Variants in SDK2 observed in about 807,000 individuals in gnomAD.
SDK2 encodes protein sidekick-2.
In SDK2, 105 loss-of-function variants were observed where a neutral mutation model predicts 253.9. The ratio of observed to expected loss-of-function variants is 0.41; its 90% CI spans 0.35 to 0.49. SDK2 has a LOEUF of 0.49. SDK2 is among the 20% of genes least tolerant of loss of function. SDK2 has a pLI of 0.06. For missense variants in SDK2, 2,608 were observed against 3,003.0 expected (o/e 0.87, Z 3.07); for synonymous variants, 1,249 against 1,234.9 (o/e 1.01, Z -0.24).
chr17:73,485,288 G>A (rs1417328034), intron 2 of SDK2, among the ~76,000 whole-genome samples: 1 of 152,162 alleles, frequency 6.6e-6, no homozygotes, highest in African/African-American at 2.4e-5. Flanking sequence ...GAGGGGGCGA[G>A]GGAAGAAAAG....
chr17:73,527,370 A>G (rs1444755484), intron 1 of SDK2, among the ~76,000 whole-genome samples: 1 of 152,198 alleles, frequency 6.6e-6, no homozygotes, highest in African/African-American at 2.4e-5. Flanking sequence ...CATAATGCAA[A>G]GGAGAAACCT....
chr17:73,384,016 A>G lies in SDK2; in HGVS notation c.4570-5T>C. The G allele has an allele frequency of 6.2e-7, 1 of 1,613,160 alleles. No individual in the cohort carries two copies. The highest frequency in any genetic ancestry group is 1.1e-5 in the South Asian group (1 of 90,816). ...GATCTTGTCCTCTGCTGGCGGCTGCAGGAAGGGAGTAGGGCATGGGGAGGG... is the reference window on the plus strand; with the variant it reads ...GATCTTGTCCTCTGCTGGCGGCTGCGGGAAGGGAGTAGGGCATGGGGAGGG... On this transcript the variant is annotated splice_region_variant and splice_polypyrimidine_tract_variant and intron_variant, in intron 32 of 44. Transcript: ENST00000392650.
At position 73,511,356 on chromosome 17, in the gene SDK2, G is replaced by A. The variant is rs1409692116; in HGVS notation, c.65-3759C>T. Among the ~76,000 whole-genome samples, 1 of 152,288 alleles carries A rather than the reference G, an allele frequency of 6.6e-6. No homozygotes were observed. Among genetic ancestry groups the A allele is most frequent in the African/African-American group, 2.4e-5 (1 of 41,572 alleles). ...TATGTGTGAGCACACACACACGCGCGAGCACGCACACGCTCTGCGCCCAGA... is the reference window on the plus strand; with the variant it reads ...TATGTGTGAGCACACACACACGCGCAAGCACGCACACGCTCTGCGCCCAGA... On this transcript the variant is annotated intron_variant, in intron 1 of 44. Coordinates refer to ENST00000392650, the MANE Select transcript of SDK2 (RefSeq NM_001144952.2). The surrounding 1 kb of genome is among the most constrained non-coding windows in gnomAD (Gnocchi z 4.9).
intron 2 of SDK2, among the ~76,000 whole-genome samples, chr17:73,487,825 TTGATCATAGTTAATGAAAAGGC>T (rs2063779128): frequency 6.6e-6 from 1 of 152,080 alleles, no homozygotes; most frequent in Admixed American, 6.5e-5. Flanking sequence ...TGAGATGACT[TTGATCATAGTTAATGAAAAGGC>T]TGATCATAGC....
intron 1 of SDK2, among the ~76,000 whole-genome samples, chr17:73,572,110 AG>A (rs1335588990): frequency 1.3e-5 from 2 of 152,192 alleles, no homozygotes; most frequent in African/African-American, 4.8e-5. Flanking sequence ...CATTCAGTGC[AG>A]GTGTTGTCTT....
chr17:73,338,352 C>T lies in SDK2; in HGVS notation c.*235G>A, dbSNP rs765764725. 14 of 667,142 alleles carry T rather than the reference C, an allele frequency of 2.1e-5. No homozygotes were observed. The highest frequency in any genetic ancestry group is 1.8e-4 in the South Asian group (12 of 66,462). 41.3% of individuals were successfully genotyped at this position (667,142 alleles called of 1,614,324 possible). On this transcript the variant is annotated 3_prime_UTR_variant, in exon 45 of 45. Transcript: ENST00000392650. This position sits in a 1 kb window ranked among gnomAD's most constrained non-coding sequence, Gnocchi z 5.0. ...CAGCTCCGTGTAATTCCCAAGGGAG[C>T]AGTGAACCCCACCATCTCAAAGCTG...
intron 1 of SDK2, among the ~76,000 whole-genome samples, chr17:73,633,627 A>G (rs9900683): frequency 0.39 from 59,693 of 152,130 alleles, 12,496 homozygotes; most frequent in African/African-American, 0.55. Flanking sequence ...AGTTAAGTGC[A>G]TTAATTCAAG....
Position 73,418,010 on chromosome 17 carries a change from G to GTTTTTTTTTTTTTTTTTTT in SDK2, c.2186+1155_2186+1156insAAAAAAAAAAAAAAAAAAA, listed in dbSNP as rs397689294. On this transcript the variant is annotated intron_variant, in intron 16 of 44. Transcript: ENST00000392650. ...AGATGCATCAAAGTCTCCTAGATGAGTTTTTTTTTTTTTTTTTTGTTTTTA... is the reference window on the plus strand; with the variant it reads ...AGATGCATCAAAGTCTCCTAGATGAGTTTTTTTTTTTTTTTTTTTTTTTTTTTTTTTTTTTTTGTTTTTA... Among the ~76,000 whole-genome samples the GTTTTTTTTTTTTTTTTTTT allele has an allele frequency of 4.7e-5, 6 of 128,256 alleles. 1 individual carries two copies. Among genetic ancestry groups the GTTTTTTTTTTTTTTTTTTT allele is most frequent in the Admixed American group, 9.0e-5 (1 of 11,050 alleles). 84.1% of individuals were successfully genotyped at this position (128,256 alleles called of 152,430 possible).
chr17:73,401,959 G>A lies in SDK2; in HGVS notation c.2667C>T (p.Arg889=), dbSNP rs1349272843. 1 of 1,608,966 alleles carries A rather than the reference G, an allele frequency of 6.2e-7. No homozygotes were observed. The highest frequency in any genetic ancestry group is 1.1e-5 in the South Asian group (1 of 90,388). The change falls in exon 19 of 45, where the codon CGC becomes CGT. Residue 889 remains arginine, a synonymous_variant. Transcript: ENST00000392650. The stretch of plus-strand genomic sequence containing the variant: ...GGGGGTGCCTACCATCCTCATGGGT[G>A]CGCACCAGCTGCGGGGTGCTGCGTG... ...DGPRSTPQLV[R]THEDVPGPVG...
At chr17:73,583,516 A>G (rs528636530) in intron 1 of SDK2, among the ~76,000 whole-genome samples, 1 of 152,314 alleles carries the variant, frequency 6.6e-6, no homozygotes, top group South Asian at 2.1e-4. Flanking sequence ...AGGGCTCTCA[A>G]CAACCGCCTC....
Position 73,480,082 on chromosome 17 carries a change from G to A in SDK2, c.225-7864C>T, listed in dbSNP as rs564489148. ...GCTCCTCTCCCTCTAGGACTTTAAC[G>A]TATCCACTCATCTGATCCTCACAGT... On this transcript the variant is annotated intron_variant, in intron 2 of 44. Coordinates refer to ENST00000392650, the MANE Select transcript of SDK2 (RefSeq NM_001144952.2). 2.6e-5 allele frequency among the ~76,000 whole-genome samples: 4 copies of A among 152,230 alleles called. No homozygotes were observed. The South Asian group carries it at 8.3e-4, about 32-fold the overall frequency.
intron 39 of SDK2, among the ~76,000 whole-genome samples, chr17:73,359,543 C>T (rs2062623554): frequency 6.6e-6 from 1 of 152,352 alleles, no homozygotes; most frequent in Non-Finnish European, 1.5e-5. Context: ...AGAGCCTGCA[C>T]CTTCTCCGGG....
chr17:73,378,429 T>A (rs2062801885), intron 36 of SDK2, among the ~76,000 whole-genome samples: 1 of 151,872 alleles, frequency 6.6e-6, no homozygotes, highest in African/African-American at 2.4e-5. Context: ...TTTTAATTTT[T>A]TTTTTTTTGA....
intron 14 of SDK2, 36 bp from the exon 15 acceptor site, chr17:73,422,470 T>C (rs372219617): frequency 6.2e-7 from 1 of 1,603,406 alleles, no homozygotes; most frequent in Non-Finnish European, 8.5e-7. Flanking sequence ...AGTGGGTATC[T>C]TGGGTGGGAT....
intron 40 of SDK2, among the ~76,000 whole-genome samples, chr17:73,354,507 C>T (rs527996340): frequency 6.6e-6 from 1 of 152,252 alleles, no homozygotes; most frequent in Admixed American, 6.5e-5. Context: ...TCAGCCTGGC[C>T]CTGAGAGAGG....
At chr17:73,342,220 A>C (rs2062443735) in intron 44 of SDK2, among the ~76,000 whole-genome samples, 1 of 151,380 alleles carries the variant, frequency 6.6e-6, no homozygotes, top group South Asian at 2.1e-4. Context: ...CCCCTGCAGC[A>C]GACACTCCCC....
chr17:73,407,096 T>C (rs1472031777), intron 18 of SDK2, among the ~76,000 whole-genome samples: 7 of 152,236 alleles, frequency 4.6e-5, no homozygotes, highest in Admixed American at 4.6e-4. Context: ...TTAAAAAATA[T>C]TGTTTAGCTA....
At chr17:73,614,318 C>T (rs542060878) in intron 1 of SDK2, among the ~76,000 whole-genome samples, 3 of 152,232 alleles carry the variant, frequency 2.0e-5, no homozygotes, top group South Asian at 4.1e-4. Flanking sequence ...GCTTCTCGAA[C>T]CCGAGGATGG....
chr17:73,504,189 C>CGT (rs1232409933), intron 2 of SDK2, among the ~76,000 whole-genome samples: 26 of 89,554 alleles, frequency 2.9e-4, no homozygotes, highest in East Asian at 9.2e-4. Flanking sequence ...TGGAGCAGTG[C>CGT]GTGCGTGTGT....
Sources: allele counts gnomAD v4.1 joint callset (sites outside exome capture counted in the v4.1 genomes callset), GRCh38; gene constraint gnomAD v4.1.1; non-coding constraint Gnocchi (gnomAD v3.1); transcripts MANE v1.5; gene names NCBI Gene and HGNC (gene_info 2026-07-23, HGNC 2026-07-21).